Variants in MCF2L observed in about 807,000 individuals in gnomAD.
MCF2L encodes the protein MCF.2 cell line derived transforming sequence like.
Under a neutral mutation model 153.4 loss-of-function variants are expected in MCF2L, and 97 were observed. The observed-to-expected ratio is 0.63, with a 90% CI of 0.54 to 0.75. The LOEUF is 0.75. MCF2L is among the 30% of genes least tolerant of loss of function. The probability of loss-of-function intolerance (pLI) is 0.00; values close to 1 mark genes in which losing one functional copy is unlikely to be tolerated. For synonymous variants in MCF2L, 659 were observed against 632.2 expected (o/e 1.04, Z -0.64); for missense variants, 1,347 against 1,495.2 (o/e 0.90, Z 1.64).
rs893403284 is a variant in MCF2L at position 113,098,695 on chromosome 13, G to A, written c.*1836G>A. The A allele has an allele frequency of 3.3e-5, 5 of 152,272 alleles. No individual in the cohort carries two copies. The highest frequency in any genetic ancestry group is 2.9e-5 in the Non-Finnish European group (2 of 68,054). 9.4% of individuals were successfully genotyped at this position (152,272 alleles called of 1,614,324 possible). On this transcript the variant is annotated 3_prime_UTR_variant, in exon 30 of 30. Coordinates refer to ENST00000535094, the MANE Select transcript of MCF2L (RefSeq NM_001112732.3). ...GGGCCCAGCGTGCGGCTCAGGCACC[G>A]AGCAACCGCTTTGCTTTCTTCTGTC...
intron 8 of MCF2L, among the ~76,000 whole-genome samples, chr13:113,067,251 T>C (rs1304010785): frequency 1.6e-3 from 226 of 143,242 alleles, no homozygotes; most frequent in Middle Eastern, 3.7e-3. Context: ...ACCTGGGTGG[T>C]GCACAGCTGG....
chr13:113,092,486 G>A (rs546596060), intron 26 of MCF2L, among the ~76,000 whole-genome samples: 5 of 152,354 alleles, frequency 3.3e-5, no homozygotes, highest in East Asian at 3.9e-4. Flanking sequence ...CGTCGAAGCC[G>A]GGCCACTGCC....
intron 22 of MCF2L, 47 bp downstream of exon 22, chr13:113,087,503 C>T (rs770549962): frequency 1.1e-5 from 16 of 1,469,502 alleles, no homozygotes; most frequent in Middle Eastern, 1.7e-4. Flanking sequence ...CCACAGACCC[C>T]GACGGGGGAA....
chr13:112,949,591 C>T (rs4907474), intron 2 of MCF2L, among the ~76,000 whole-genome samples: 1 of 151,942 alleles, frequency 6.6e-6, no homozygotes, highest in East Asian at 1.9e-4. Flanking sequence ...AATTAGTCAA[C>T]GTAATCTACC....
rs572023747 is a variant in MCF2L at position 113,062,432 on chromosome 13, G to A, written c.489+1720G>A. Among the ~76,000 whole-genome samples, 22 of 152,160 alleles carry A rather than the reference G, an allele frequency of 1.4e-4. No individual in the cohort carries two copies. The East Asian group carries it at 1.5e-3, about 11-fold the overall frequency. Reference sequence around the variant, plus strand: ...CCTTATGATGGAGATAACTCCGTGCGCCCTCCTTCCCTGCTATTTGGCAGG... The same window carrying A: ...CCTTATGATGGAGATAACTCCGTGCACCCTCCTTCCCTGCTATTTGGCAGG... On this transcript the variant is annotated intron_variant, in intron 5 of 29. Transcript: ENST00000535094.
intron 2 of MCF2L, chr13:112,917,218 C>T: frequency 4.3e-6 from 2 of 469,556 alleles, no homozygotes; most frequent in Admixed American, 2.4e-5. Flanking sequence ...CACCGCCCTG[C>T]CTCCGCAGAG....
chr13:112,911,082 C>A (rs935588857), intron 2 of MCF2L, among the ~76,000 whole-genome samples: 1 of 152,216 alleles, frequency 6.6e-6, no homozygotes, highest in Admixed American at 6.5e-5. Context: ...TCAGCTGGTG[C>A]ATGCATGGTG....
chr13:113,023,938 G>A (rs1389228909), intron 2 of MCF2L, among the ~76,000 whole-genome samples: 2 of 152,260 alleles, frequency 1.3e-5, no homozygotes, highest in African/African-American at 2.4e-5. Context: ...GAGGGCAGCT[G>A]CAGTGTTCTG....
At position 113,029,408 on chromosome 13, in the gene MCF2L, C is replaced by T. The variant is rs895417272; in HGVS notation, c.278+4650C>T. On this transcript the variant is annotated intron_variant, in intron 3 of 29. Coordinates refer to ENST00000535094, the MANE Select transcript of MCF2L (RefSeq NM_001112732.3). Reference sequence around the variant, plus strand: ...TCTTCCTAAGGGCATCTACGGGATGCCTTCTTGAGAAGTGCAGAGTGTGTT... The same window carrying T: ...TCTTCCTAAGGGCATCTACGGGATGTCTTCTTGAGAAGTGCAGAGTGTGTT... Among the ~76,000 whole-genome samples, 21 of 152,218 alleles carry T rather than the reference C, an allele frequency of 1.4e-4. 1 individual carries two copies. Among genetic ancestry groups the T allele is most frequent in the Non-Finnish European group, 2.1e-4 (14 of 68,034 alleles).
rs565047039 is a variant in MCF2L at position 112,980,267 on chromosome 13, T to G, written c.79+10809T>G. On this transcript the variant is annotated intron_variant, in intron 1 of 29. Transcript: ENST00000535094. ...CTAAACTCTCACAAGTCACAGCCAG[T>G]GCTTTTGTTCACTTCAGAGGAGCAA... Among the ~76,000 whole-genome samples, 9 of 152,358 alleles carry G rather than the reference T, an allele frequency of 5.9e-5. 1 individual carries two copies. Among genetic ancestry groups the G allele is most frequent in the African/African-American group, 2.2e-4 (9 of 41,580 alleles).
At chr13:113,091,809 C>T (rs1324390369) in intron 26 of MCF2L, among the ~76,000 whole-genome samples, 1 of 152,338 alleles carries the variant, frequency 6.6e-6, no homozygotes, top group South Asian at 2.1e-4. Flanking sequence ...TGTTGAGGAC[C>T]TTCAAGTGCA....
chr13:112,985,581 CCCGTGCTCCACAGGGCAG>C, intron 1 of MCF2L: 1 of 421,560 alleles, frequency 2.4e-6, no homozygotes, highest in South Asian at 1.7e-5. Context: ...CTGTGGATGC[CCCGTGCTCCACAGGGCAG>C]TCTGTGTCCC....
intron 2 of MCF2L, among the ~76,000 whole-genome samples, chr13:112,962,278 T>C (rs36144023): frequency 0.65 from 98,863 of 151,510 alleles, 32,538 homozygotes; most frequent in Non-Finnish European, 0.71. Flanking sequence ...TAGGCACAGA[T>C]GCTCACACAC....
rs751945800 is a variant in MCF2L, at chr13:113,076,130, C to T, written c.1473C>T (p.Tyr491=). 5.0e-6 allele frequency: 8 copies of T among 1,613,472 alleles called. No individual in the cohort carries two copies. Among genetic ancestry groups the T allele is most frequent in the East Asian group, 4.5e-5 (2 of 44,878 alleles). Residue 491 remains tyrosine (Y), a synonymous_variant, in exon 12 of 30, where the codon TAC becomes TAT. Coordinates refer to ENST00000535094, the MANE Select transcript of MCF2L (RefSeq NM_001112732.3). The part of the protein sequence containing the change: ...IQELNAIYKE[Y]ESILNQDLME... Reference sequence around the variant, plus strand: ...AGCTCAACGCGATTTACAAGGAATACGAATCCATCCTCAACCAAGATCTCA... The same window carrying T: ...AGCTCAACGCGATTTACAAGGAATATGAATCCATCCTCAACCAAGATCTCA...
upstream of MCF2L, among the ~76,000 whole-genome samples, chr13:112,964,667 T>C (rs945158318): frequency 2.0e-5 from 3 of 152,212 alleles, no homozygotes; most frequent in Admixed American, 6.5e-5. Context: ...AAAACCTGAT[T>C]AAAATTTGAA....
At chr13:113,002,546 C>T (rs573167388) in intron 1 of MCF2L, among the ~76,000 whole-genome samples, 6 of 152,152 alleles carry the variant, frequency 3.9e-5, no homozygotes, top group South Asian at 2.1e-4. Context: ...CCCGGCTGGG[C>T]GGCCTCTGTG....
At chr13:112,944,292 A>G (rs2081612504) in intron 2 of MCF2L, among the ~76,000 whole-genome samples, 1 of 152,088 alleles carries the variant, frequency 6.6e-6, no homozygotes, top group African/African-American at 2.4e-5. Context: ...CATGACCCTC[A>G]TTTACTGGGA....
At chr13:113,033,615 T>C (rs116466054) in intron 3 of MCF2L, among the ~76,000 whole-genome samples, 1,672 of 152,268 alleles carry the variant, frequency 0.011, 26 homozygotes, top group African/African-American at 0.039. Context: ...AGTTCTCAAA[T>C]GCTCCAGCTG....
chr13:113,067,294 G>C (rs892673122), intron 8 of MCF2L, among the ~76,000 whole-genome samples: 6 of 137,778 alleles, frequency 4.4e-5, no homozygotes, highest in Non-Finnish European at 7.9e-5. Flanking sequence ...AGGTCGCAGT[G>C]AGCCGAGATT....
Sources: gnomAD v4.1 joint callset for allele counts (sites outside exome capture counted in the v4.1 genomes callset) on GRCh38, gnomAD v4.1.1 for gene constraint, MANE v1.5 for transcripts, NCBI Gene and HGNC (gene_info 2026-07-23, HGNC 2026-07-21) for gene names.